Variants in PCDH15 observed in about 807,000 individuals in gnomAD.
The protein encoded by PCDH15 is protocadherin-15.
A neutral mutation model predicts 178.5 loss-of-function variants in PCDH15; 129 were observed. The ratio of observed to expected loss-of-function variants is 0.72; its 90% CI spans 0.63 to 0.84. PCDH15 has a LOEUF of 0.84. Among genes scored for constraint, PCDH15 ranks in the 40% least tolerant of loss-of-function variants. The pLI, the probability that PCDH15 is intolerant of heterozygous loss-of-function variation, is 0.00. For missense variants in PCDH15, 2,230 were observed against 2,099.9 expected (o/e 1.06, Z -1.21); for synonymous variants, 800 against 732.0 (o/e 1.09, Z -1.50).
At chr10:54,082,372 AGGC>A (rs1243232551) in intron 16 of PCDH15, among the ~76,000 whole-genome samples, 6 of 152,192 alleles carry the variant, frequency 3.9e-5, no homozygotes, top group African/African-American at 1.4e-4. Context: ...TGGAAAATTC[AGGC>A]ACTCAAAAGT....
At chr10:54,585,936 G>C (rs1050464333) in intron 2 of PCDH15, among the ~76,000 whole-genome samples, 1 of 152,108 alleles carries the variant, frequency 6.6e-6, no homozygotes, top group Non-Finnish European at 1.5e-5. Context: ...TGATCTGATG[G>C]TGTCTGAAAA....
intron 2 of PCDH15, among the ~76,000 whole-genome samples, chr10:54,580,883 T>G (rs2090974841): frequency 6.6e-6 from 1 of 152,054 alleles, no homozygotes; most frequent in Admixed American, 6.6e-5. Flanking sequence ...CAGAGAAAGC[T>G]TTTGATAAAA....
At chr10:55,508,680 A>C (rs1039682285) in intron 2 of PCDH15, among the ~76,000 whole-genome samples, 5 of 151,744 alleles carry the variant, frequency 3.3e-5, no homozygotes, top group African/African-American at 7.2e-5. Flanking sequence ...GTTGGGGAAA[A>C]TTGTATTGAA....
intron 8 of PCDH15, among the ~76,000 whole-genome samples, chr10:54,291,767 C>A (rs1473633102): frequency 6.6e-6 from 1 of 152,024 alleles, no homozygotes; most frequent in Admixed American, 6.6e-5. Flanking sequence ...CAAGACTAAA[C>A]CAGGAAGAAG....
intron 2 of PCDH15, among the ~76,000 whole-genome samples, chr10:55,495,374 C>G (rs935753588): frequency 1.3e-5 from 2 of 151,648 alleles, no homozygotes; most frequent in African/African-American, 2.4e-5. Flanking sequence ...TGATAAGGGA[C>G]TTCTACCCAG....
At chr10:54,316,794 T>G (rs2061304153) in intron 8 of PCDH15, among the ~76,000 whole-genome samples, 1 of 152,136 alleles carries the variant, frequency 6.6e-6, no homozygotes, top group Admixed American at 6.6e-5. Context: ...TATCTTTACT[T>G]TAAGAGGTAA....
chr10:54,050,681 T>C (rs1397432348), intron 18 of PCDH15, among the ~76,000 whole-genome samples: 1 of 152,156 alleles, frequency 6.6e-6, no homozygotes, highest in East Asian at 1.9e-4. Context: ...ATGTGAGTTA[T>C]TTCTATATTT....
chr10:54,407,543 A>G (rs1222260476), intron 3 of PCDH15, among the ~76,000 whole-genome samples: 1 of 152,036 alleles, frequency 6.6e-6, no homozygotes, highest in Admixed American at 6.6e-5. Context: ...TCTTAAGCTA[A>G]AAAGCATTTG....
chr10:55,207,811 A>G (rs1840444974), intron 1 of PCDH15, among the ~76,000 whole-genome samples: 1 of 152,082 alleles, frequency 6.6e-6, no homozygotes, highest in Non-Finnish European at 1.5e-5. Flanking sequence ...TATTAAAAAT[A>G]CAAAAAAATT....
chr10:54,802,060 A>G (rs1028787984), upstream of PCDH15, among the ~76,000 whole-genome samples: 1 of 152,216 alleles, frequency 6.6e-6, no homozygotes, highest in African/African-American at 2.4e-5. Context: ...ATTTAGGAAC[A>G]TATTTTAGTA....
At chr10:54,321,953 T>A (rs1380324252) in intron 7 of PCDH15, among the ~76,000 whole-genome samples, 1 of 151,950 alleles carries the variant, frequency 6.6e-6, no homozygotes, top group African/African-American at 2.4e-5. Context: ...TAAAAATATG[T>A]CTCATGCACA....
At chr10:55,361,736 T>C (rs181646222) in intron 2 of PCDH15, among the ~76,000 whole-genome samples, 5 of 152,216 alleles carry the variant, frequency 3.3e-5, no homozygotes, top group Admixed American at 3.3e-4. Context: ...GAGTTTTTAC[T>C]GTCATTTATT....
chr10:55,343,401 T>C (rs1844656932), intron 2 of PCDH15, among the ~76,000 whole-genome samples: 1 of 152,158 alleles, frequency 6.6e-6, no homozygotes, highest in African/African-American at 2.4e-5. Context: ...CTTTACCTCC[T>C]TGTACTTTTC....
intron 2 of PCDH15, among the ~76,000 whole-genome samples, chr10:54,944,837 A>G (rs563715280): frequency 8.5e-5 from 13 of 152,060 alleles, no homozygotes; most frequent in African/African-American, 3.1e-4. Flanking sequence ...CTAATTATTT[A>G]TCAAAAGGAA....
At chr10:54,072,284 G>C (rs2094259442) in intron 17 of PCDH15, among the ~76,000 whole-genome samples, 1 of 152,096 alleles carries the variant, frequency 6.6e-6, no homozygotes, top group South Asian at 2.1e-4. Flanking sequence ...ATAGTATTTA[G>C]AGAATATTAA....
intron 2 of PCDH15, among the ~76,000 whole-genome samples, chr10:54,570,040 GT>G (rs1360550591): frequency 0.17 from 9 of 52 alleles, no homozygotes; most frequent in Admixed American, 0.25. Flanking sequence ...ACAATTAGGG[GT>G]GTGTGTGTGT....
At chr10:54,766,865 G>C (rs1443750017) in intron 1 of PCDH15, among the ~76,000 whole-genome samples, 1 of 152,008 alleles carries the variant, frequency 6.6e-6, no homozygotes, top group Non-Finnish European at 1.5e-5. Context: ...CGGAGGTGGA[G>C]CTTGCAGTGA....
chr10:54,750,117 C>G (rs533292425), intron 1 of PCDH15, among the ~76,000 whole-genome samples: 1 of 152,120 alleles, frequency 6.6e-6, no homozygotes, highest in Non-Finnish European at 1.5e-5. Flanking sequence ...TCTTTCTCTC[C>G]TCTCTTTCTT....
In PCDH15 at chr10:54,511,711, T is replaced by C. The variant is rs192208652; in HGVS notation, c.157+16101A>G. 5.6e-3 allele frequency among the ~76,000 whole-genome samples: 856 copies of C among 152,328 alleles called. 5 individuals are homozygous for C. Among genetic ancestry groups the C allele is most frequent in the Non-Finnish European group, 9.3e-3 (632 of 68,026 alleles). ...ACCAAACACATATCTAGTCTAACTT[T>C]CTAAAATATGACTGAAATAGATTTA... is the stretch of plus-strand genomic sequence containing the variant. On this transcript the variant is annotated intron_variant, in intron 3 of 37. Coordinates refer to ENST00000644397, the MANE Select transcript of PCDH15 (RefSeq NM_001384140.1).
Sources: allele counts gnomAD v4.1 joint callset (sites outside exome capture counted in the v4.1 genomes callset), GRCh38; gene constraint gnomAD v4.1.1; transcripts MANE v1.5; gene names NCBI Gene and HGNC (gene_info 2026-07-23, HGNC 2026-07-21).